OPCML: variants seen among roughly 807,000 people sequenced by gnomAD.
The protein encoded by OPCML is opioid-binding protein/cell adhesion molecule.
In OPCML, 13 loss-of-function variants were observed where a neutral mutation model predicts 37.8. The observed-to-expected ratio is 0.34, with a 90% CI of 0.22 to 0.55. OPCML has a LOEUF of 0.55. OPCML is among the 20% of genes least tolerant of loss of function. The pLI is 0.91. For synonymous variants in OPCML, 176 were observed against 168.8 expected (o/e 1.04, Z -0.33); for missense variants, 341 against 435.6 (o/e 0.78, Z 1.93).
chr11:133,406,082 G>T (rs1945519663), intron 1 of OPCML, among the ~76,000 whole-genome samples: 1 of 152,028 alleles, frequency 6.6e-6, no homozygotes, highest in Non-Finnish European at 1.5e-5. Context: ...CATGCTGTTT[G>T]CACTGCCTAG....
chr11:132,877,341 G>C (rs1431292163), intron 2 of OPCML, among the ~76,000 whole-genome samples: 1 of 152,126 alleles, frequency 6.6e-6, no homozygotes, highest in Non-Finnish European at 1.5e-5. Context: ...TAAAAGAAAA[G>C]GTGAGGTCTT....
In OPCML at chr11:133,107,209, G is replaced by A. The variant is rs117819293; in HGVS notation, c.62-164199C>T. Among the ~76,000 whole-genome samples the A allele has an allele frequency of 6.0e-3, 917 of 152,290 alleles. 8 individuals carry two copies. Among genetic ancestry groups the A allele is most frequent in the Non-Finnish European group, 8.6e-3 (586 of 68,026 alleles). ...TGGTGAACACGTGGCTCTATATTTA[G>A]ACAAACTCTGAGGTATAGAAGTAGA... On this transcript the variant is annotated intron_variant, in intron 1 of 7. Coordinates refer to ENST00000524381, the MANE Select transcript of OPCML (RefSeq NM_001012393.5).
intron 1 of OPCML, among the ~76,000 whole-genome samples, chr11:133,181,671 G>C (rs1260138253): frequency 6.6e-6 from 1 of 152,132 alleles, no homozygotes; most frequent in African/African-American, 2.4e-5. Flanking sequence ...TGAGCCCTCA[G>C]TCTGGAGGAA....
At chr11:132,547,380 G>A (rs1415225083) in intron 3 of OPCML, among the ~76,000 whole-genome samples, 1 of 152,142 alleles carries the variant, frequency 6.6e-6, no homozygotes, top group Non-Finnish European at 1.5e-5. Flanking sequence ...TGGCATGCAG[G>A]CATCTTGGAG....
At chr11:133,310,517 A>G (rs1943043667) in intron 1 of OPCML, among the ~76,000 whole-genome samples, 1 of 152,190 alleles carries the variant, frequency 6.6e-6, no homozygotes, top group African/African-American at 2.4e-5. Flanking sequence ...TCCCCTCACC[A>G]TTTCTTAGAG....
chr11:133,391,837 G>A (rs1378870870), intron 1 of OPCML, among the ~76,000 whole-genome samples: 1 of 152,108 alleles, frequency 6.6e-6, no homozygotes, highest in Non-Finnish European at 1.5e-5. Flanking sequence ...CTGAGAGTTA[G>A]GCTTTATTTT....
intron 1 of OPCML, among the ~76,000 whole-genome samples, chr11:133,460,109 C>A (rs1946825553): frequency 6.6e-6 from 1 of 151,716 alleles, no homozygotes; most frequent in Non-Finnish European, 1.5e-5. Flanking sequence ...ATCAACATAC[C>A]TTTAAACAAC....
chr11:132,667,325 T>G (rs1942267188), intron 2 of OPCML, among the ~76,000 whole-genome samples: 1 of 152,186 alleles, frequency 6.6e-6, no homozygotes, highest in Non-Finnish European at 1.5e-5. Context: ...GCATCTTAAT[T>G]CACTAAATCC....
chr11:132,471,414 A>G (rs1469714579), intron 4 of OPCML, among the ~76,000 whole-genome samples: 1 of 152,160 alleles, frequency 6.6e-6, no homozygotes, highest in Non-Finnish European at 1.5e-5. Context: ...GTTGTCTCTC[A>G]TGGTGTCTGT....
At chr11:132,859,015 G>C (rs941438835) in intron 2 of OPCML, among the ~76,000 whole-genome samples, 2 of 152,130 alleles carry the variant, frequency 1.3e-5, no homozygotes, top group Non-Finnish European at 2.9e-5. Context: ...TATTAAATAT[G>C]CTCGTTTGTT....
At chr11:133,522,527 C>A (rs899167964) in intron 1 of OPCML, among the ~76,000 whole-genome samples, 7 of 152,186 alleles carry the variant, frequency 4.6e-5, no homozygotes, top group Non-Finnish European at 1.0e-4. Flanking sequence ...TAAGAGGGAG[C>A]TTGGAGCTAC....
At chr11:133,110,153 C>G (rs537929587) in intron 1 of OPCML, among the ~76,000 whole-genome samples, 87 of 152,284 alleles carry the variant, frequency 5.7e-4, no homozygotes, top group Admixed American at 9.8e-4. Context: ...TTGAACAACC[C>G]TGTTCTGGTC....
intron 3 of OPCML, among the ~76,000 whole-genome samples, chr11:132,601,106 T>C (rs1937857021): frequency 6.6e-6 from 1 of 152,180 alleles, no homozygotes; most frequent in Non-Finnish European, 1.5e-5. Context: ...AAGAACTGAC[T>C]GTAAAATGAC....
In OPCML at chr11:133,287,288, T is replaced by TTTC. The variant is rs1191568497; in HGVS notation, c.61+244975_61+244976insGAA. ...CTTTCTTTCTTTCTTTTTTTTTTTT[T>TTTC]TTTTTTAGAGATAAGGTTTCACTAT... On this transcript the variant is annotated intron_variant, in intron 1 of 7. Transcript: ENST00000524381. Among the ~76,000 whole-genome samples the TTTC allele has an allele frequency of 2.0e-4, 30 of 148,432 alleles. 1 individual carries two copies. The highest frequency in any genetic ancestry group is 6.6e-4 in the African/African-American group (27 of 40,620).
rs1164171883 is a variant in OPCML at position 133,173,667 on chromosome 11, C to T, written c.62-230657G>A. On this transcript the variant is annotated intron_variant, in intron 1 of 7. Coordinates refer to ENST00000524381, the MANE Select transcript of OPCML (RefSeq NM_001012393.5). This position sits in a 1 kb window ranked among gnomAD's most constrained non-coding sequence, Gnocchi z 7.8. ...ATGAGGCTAACGTAAGGGTAGACAC[C>T]TCCCTGCAGATAATAACGAGAACCA... Among the ~76,000 whole-genome samples the T allele has an allele frequency of 6.6e-6, 1 of 152,176 alleles. No homozygotes were observed. Among genetic ancestry groups the T allele is most frequent in the Non-Finnish European group, 1.5e-5 (1 of 68,038 alleles).
chr11:133,137,041 G>T (rs1949703124), intron 1 of OPCML, among the ~76,000 whole-genome samples: 1 of 152,136 alleles, frequency 6.6e-6, no homozygotes, highest in South Asian at 2.1e-4. Context: ...GAAGAAAAAG[G>T]CCAAAAGGAC....
intron 1 of OPCML, among the ~76,000 whole-genome samples, chr11:133,330,091 A>G (rs1291234732): frequency 6.6e-6 from 1 of 152,268 alleles, no homozygotes; most frequent in Non-Finnish European, 1.5e-5. Context: ...AAAAATGCTC[A>G]TCATCACTGG....
chr11:132,795,469 C>T (rs989570837), intron 2 of OPCML, among the ~76,000 whole-genome samples: 2 of 152,176 alleles, frequency 1.3e-5, no homozygotes, highest in African/African-American at 4.8e-5. Context: ...TTTCCATATT[C>T]CCAAAGTGAA....
intron 3 of OPCML, among the ~76,000 whole-genome samples, chr11:132,590,926 G>A (rs1267999067): frequency 6.6e-6 from 1 of 152,124 alleles, no homozygotes; most frequent in Non-Finnish European, 1.5e-5. Context: ...AGTTTATAAG[G>A]CTAAGGTAAT....
Sources: gnomAD v4.1 joint callset for allele counts (sites outside exome capture counted in the v4.1 genomes callset) on GRCh38, gnomAD v4.1.1 for gene constraint, Gnocchi (gnomAD v3.1) non-coding constraint, MANE v1.5 for transcripts, NCBI Gene and HGNC (gene_info 2026-07-23, HGNC 2026-07-21) for gene names.